Variants in MALRD1 observed in about 807,000 individuals in gnomAD.
The protein encoded by MALRD1 is MAM and LDL-receptor class A domain-containing protein 1.
In MALRD1, 247 loss-of-function variants were observed where a neutral mutation model predicts 242.1. The ratio of observed to expected loss-of-function variants is 1.02; its 90% CI spans 0.92 to 1.13. The LOEUF is 1.13. Ranked by LOEUF, MALRD1 falls within the 50% of genes most tolerant of loss-of-function variation. The pLI is 0.00. For synonymous variants in MALRD1, 995 were observed against 866.6 expected (o/e 1.15, Z -2.60); for missense variants, 2,989 against 2,533.1 (o/e 1.18, Z -3.86).
intron 22 of MALRD1, among the ~76,000 whole-genome samples, chr10:19,326,166 T>C (rs749943133): frequency 2.0e-5 from 3 of 152,134 alleles, no homozygotes; most frequent in East Asian, 1.9e-4. Flanking sequence ...TTAAAACTTA[T>C]TGTTGTAAAT....
At position 19,520,178 on chromosome 10, in the gene MALRD1, G is replaced by A. The variant is rs924330797; in HGVS notation, c.5321-11016G>A. Among the ~76,000 whole-genome samples, 3 of 152,148 alleles carry A rather than the reference G, an allele frequency of 2.0e-5. No individual in the cohort carries two copies. The South Asian group carries it at 6.2e-4, about 32-fold the overall frequency. On this transcript the variant is annotated intron_variant, in intron 31 of 39. Coordinates refer to ENST00000454679, the MANE Select transcript of MALRD1 (RefSeq NM_001142308.3). Reference sequence around the variant, plus strand: ...ACACAGAAGGCACTTGTTGAACTTAGCATTGAAACTCGTGTGTATCTAAAG... The same window carrying A: ...ACACAGAAGGCACTTGTTGAACTTAACATTGAAACTCGTGTGTATCTAAAG...
chr10:19,663,796 GT>G (rs368036043), intron 36 of MALRD1, among the ~76,000 whole-genome samples: 45 of 149,784 alleles, frequency 3.0e-4, no homozygotes, highest in Admixed American at 1.1e-3. Flanking sequence ...AGAAATGGGA[GT>G]TTTTTTTTTC....
chr10:19,327,775 T>C, intron 23 of MALRD1, 102 bp downstream of exon 23: 1 of 944,818 alleles, frequency 1.1e-6, no homozygotes, highest in Non-Finnish European at 1.6e-6. Flanking sequence ...CCATTCCCTT[T>C]TTGATGTGTT....
chr10:19,330,227 A>G (rs1843304013), intron 23 of MALRD1, among the ~76,000 whole-genome samples: 1 of 151,990 alleles, frequency 6.6e-6, no homozygotes. Flanking sequence ...CAATATATGA[A>G]CACAGTTATA....
intron 39 of MALRD1, among the ~76,000 whole-genome samples, chr10:19,731,907 G>T (rs976234148): frequency 1.3e-5 from 2 of 152,130 alleles, no homozygotes; most frequent in African/African-American, 4.8e-5. Flanking sequence ...GAGTAGCAAG[G>T]TATCAGGTCA....
At chr10:19,407,784 G>A (rs994514145) in intron 28 of MALRD1, among the ~76,000 whole-genome samples, 7 of 152,158 alleles carry the variant, frequency 4.6e-5, no homozygotes, top group African/African-American at 1.7e-4. Flanking sequence ...TAACAATTTG[G>A]CAGTAGTAAG....
chr10:19,606,136 TA>T (rs1365210922), intron 34 of MALRD1, among the ~76,000 whole-genome samples: 1 of 152,126 alleles, frequency 6.6e-6, no homozygotes, highest in Non-Finnish European at 1.5e-5. Flanking sequence ...ATAAGTAAAA[TA>T]AATTATTTGT....
intron 32 of MALRD1, among the ~76,000 whole-genome samples, chr10:19,531,630 G>T (rs4747376): frequency 0.87 from 131,914 of 152,154 alleles, 57,237 homozygotes; most frequent in East Asian, 0.89. Flanking sequence ...GGGCAGATTC[G>T]ACATGTATCT....
intron 19 of MALRD1, among the ~76,000 whole-genome samples, chr10:19,279,753 C>T (rs560703436): frequency 4.3e-4 from 65 of 152,296 alleles, no homozygotes; most frequent in African/African-American, 1.5e-3. Flanking sequence ...CCCTTGGTTC[C>T]TGCTGATTCT....
At chr10:19,631,474 T>C (rs546098800) in intron 36 of MALRD1, among the ~76,000 whole-genome samples, 1 of 152,338 alleles carries the variant, frequency 6.6e-6, no homozygotes, top group East Asian at 1.9e-4. Context: ...TGTGTCTTTA[T>C]GGTAGGACAA....
chr10:19,156,076 T>C (rs1364711962), intron 12 of MALRD1, among the ~76,000 whole-genome samples: 1 of 152,146 alleles, frequency 6.6e-6, no homozygotes, highest in Non-Finnish European at 1.5e-5. Flanking sequence ...CAGAAAATAA[T>C]GAAGAGATCA....
At chr10:19,153,297 C>A (rs534710720) in intron 11 of MALRD1, among the ~76,000 whole-genome samples, 1 of 152,106 alleles carries the variant, frequency 6.6e-6, no homozygotes, top group Non-Finnish European at 1.5e-5. Context: ...AAATTTTGTC[C>A]TATTTTCATC....
intron 14 of MALRD1, among the ~76,000 whole-genome samples, chr10:19,180,719 G>A (rs1835467644): frequency 6.6e-6 from 1 of 151,918 alleles, no homozygotes; most frequent in African/African-American, 2.4e-5. Flanking sequence ...ATAAATAATG[G>A]GATTACCTCA....
chr10:19,071,393 C>A (rs775724322), intron 2 of MALRD1, among the ~76,000 whole-genome samples: 1 of 151,716 alleles, frequency 6.6e-6, no homozygotes, highest in Non-Finnish European at 1.5e-5. Context: ...TTTCTCAGGC[C>A]CAGGAGAGAG....
chr10:19,226,244 G>T (rs1008260261), intron 18 of MALRD1, among the ~76,000 whole-genome samples: 1 of 151,922 alleles, frequency 6.6e-6, no homozygotes, highest in African/African-American at 2.4e-5. Context: ...TGACACTCTC[G>T]ATAGATGCAA....
chr10:19,264,948 T>C (rs1257641943), intron 19 of MALRD1, among the ~76,000 whole-genome samples: 2 of 152,214 alleles, frequency 1.3e-5, no homozygotes, highest in Non-Finnish European at 2.9e-5. Flanking sequence ...CTGTTTAGAT[T>C]TTTTTATTTC....
Position 19,112,585 on chromosome 10 carries a change from T to C in MALRD1, c.694+8510T>C, listed in dbSNP as rs199935343. Among the ~76,000 whole-genome samples, 401 of 152,290 alleles carry C rather than the reference T, an allele frequency of 2.6e-3. 1 individual carries two copies. The highest frequency in any genetic ancestry group is 9.2e-3 in the African/African-American group (384 of 41,550). ...CCTTACGCTTGTCACTTTATGGCTA[T>C]AAGATGACCGTTAAAGGCCTGTACA... On this transcript the variant is annotated intron_variant, in intron 5 of 39. Transcript: ENST00000454679.
chr10:19,066,587 C>T, intron 1 of MALRD1, 132 bp from the exon 2 acceptor site: 1 of 683,658 alleles, frequency 1.5e-6, no homozygotes, highest in Non-Finnish European at 2.0e-6. Context: ...ATAAAGTAGA[C>T]TTAGACTTAT....
chr10:19,504,128 A>G (rs1838093400), intron 31 of MALRD1, among the ~76,000 whole-genome samples: 1 of 152,234 alleles, frequency 6.6e-6, no homozygotes. Context: ...AGTGTCCTGC[A>G]GGTTATGCAG....
Sources: allele counts gnomAD v4.1 joint callset (sites outside exome capture counted in the v4.1 genomes callset), GRCh38; gene constraint gnomAD v4.1.1; transcripts MANE v1.5; gene names NCBI Gene and HGNC (gene_info 2026-07-23, HGNC 2026-07-21).